ILDR1: variants seen among roughly 807,000 people sequenced by gnomAD.
ILDR1 encodes the protein immunoglobulin-like domain-containing receptor 1.
Under a neutral mutation model 62.4 loss-of-function variants are expected in ILDR1, and 56 were observed. The observed-to-expected ratio is 0.90, with a 90% CI of 0.72 to 1.12. ILDR1 has a LOEUF of 1.12. Ranked by LOEUF, ILDR1 falls within the 50% of genes most tolerant of loss-of-function variation. The pLI is 0.00. For synonymous variants in ILDR1, 284 were observed against 277.8 expected (o/e 1.02, Z -0.22); for missense variants, 736 against 710.6 (o/e 1.04, Z -0.41).
intron 1 of ILDR1, among the ~76,000 whole-genome samples, chr3:122,019,251 G>A (rs1320154134): frequency 6.6e-6 from 1 of 152,132 alleles, no homozygotes; most frequent in Non-Finnish European, 1.5e-5. Context: ...TATCACTTGT[G>A]ATATTGTTAA....
At chr3:122,041,424 G>C in the ILDR1 span, among the ~76,000 whole-genome samples, 9 of 152,200 alleles carry the variant, frequency 5.9e-5, no homozygotes, top group South Asian at 4.1e-4. Flanking sequence ...CCCCTTGAAA[G>C]ATGCTGACAA....
intron 5 of ILDR1, among the ~76,000 whole-genome samples, chr3:121,994,827 A>C (rs564766474): frequency 6.6e-6 from 1 of 152,330 alleles, no homozygotes; most frequent in East Asian, 1.9e-4. Flanking sequence ...ATTGCATGGA[A>C]GAGTATTTCT....
intron 3 of ILDR1, among the ~76,000 whole-genome samples, chr3:122,003,668 A>G (rs897426104): frequency 6.6e-5 from 10 of 152,204 alleles, no homozygotes; most frequent in Non-Finnish European, 1.2e-4. Context: ...TGGAGACAGA[A>G]ATAAAAACAG....
chr3:122,051,685 T>C, the ILDR1 span, among the ~76,000 whole-genome samples: 2 of 152,110 alleles, frequency 1.3e-5, no homozygotes, highest in East Asian at 1.9e-4. Flanking sequence ...TCTTAGAACT[T>C]TGTGTTGGTA....
the ILDR1 span, among the ~76,000 whole-genome samples, chr3:122,056,198 G>A: frequency 5.9e-5 from 9 of 152,278 alleles, no homozygotes; most frequent in Middle Eastern, 3.4e-3. Flanking sequence ...TTCATAAGGG[G>A]TAGAGCTAAA....
intron 5 of ILDR1, among the ~76,000 whole-genome samples, chr3:121,999,622 G>C (rs190309272): frequency 6.6e-6 from 1 of 152,112 alleles, no homozygotes; most frequent in South Asian, 2.1e-4. Flanking sequence ...TCCTCTACCA[G>C]CAGCAGCACA....
chr3:122,015,389 A>G (rs1026515129), intron 1 of ILDR1, among the ~76,000 whole-genome samples: 1 of 152,146 alleles, frequency 6.6e-6, no homozygotes, highest in Non-Finnish European at 1.5e-5. Flanking sequence ...TTTGCTCTTC[A>G]TATACAGTCT....
At chr3:122,001,170 A>T in intron 5 of ILDR1, 138 bp downstream of exon 5, 1 of 1,006,712 alleles carries the variant, frequency 9.9e-7, no homozygotes, top group Non-Finnish European at 1.5e-6. Flanking sequence ...GGCTGAGGCT[A>T]ATGTCCTCTG....
the ILDR1 span, among the ~76,000 whole-genome samples, chr3:122,047,738 TC>T: frequency 2.6e-5 from 4 of 152,180 alleles, no homozygotes; most frequent in African/African-American, 9.7e-5. Context: ...CCCTTGCACT[TC>T]CCAAGTGAGG....
chr3:122,027,956 T>C, the ILDR1 span, among the ~76,000 whole-genome samples: 2 of 152,132 alleles, frequency 1.3e-5, no homozygotes, highest in African/African-American at 2.4e-5. Flanking sequence ...CCCTTAATCT[T>C]TGGGATCTGA....
rs2071282697 is a variant in ILDR1 at position 121,988,331 on chromosome 3, G to A, written c.*36C>T. 9 of 1,593,508 alleles carry A rather than the reference G, an allele frequency of 5.6e-6. No individual in the cohort carries two copies. Among genetic ancestry groups the A allele is most frequent in the Non-Finnish European group, 7.7e-6 (9 of 1,161,306 alleles). ...GTGATGCTGATGACACACAGGAGCC[G>A]AGAAGTAGCCACAGAAGTTGTGCTG... On this transcript the variant is annotated 3_prime_UTR_variant, in exon 8 of 8. Coordinates refer to ENST00000344209, the MANE Select transcript of ILDR1 (RefSeq NM_001199799.2).
At chr3:122,008,595 T>TTTC (rs1205092588) in intron 1 of ILDR1, among the ~76,000 whole-genome samples, 7 of 25,804 alleles carry the variant, frequency 2.7e-4, no homozygotes, top group African/African-American at 5.1e-4. Context: ...TTTCTTTTCT[T>TTTC]TTTTTTTTTT....
At chr3:122,041,270 G>A in the ILDR1 span, among the ~76,000 whole-genome samples, 1 of 152,180 alleles carries the variant, frequency 6.6e-6, no homozygotes, top group East Asian at 1.9e-4. Context: ...CCTTATGAAT[G>A]GATGAATGTC....
At position 122,005,337 on chromosome 3, in the gene ILDR1, G is replaced by T. The variant is rs2071591372; in HGVS notation, c.286C>A (p.Gln96Lys). Reference protein sequence around the residue: ...QDPSNDCNDNQREVRIVAQRR... With the variant: ...QDPSNDCNDNKREVRIVAQRR... Reference sequence around the variant, plus strand: ...TGGGCCACTATGCGAACTTCCCGCTGGTTGTCGTTGCAGTCATTGGATGGG... The same window carrying T: ...TGGGCCACTATGCGAACTTCCCGCTTGTTGTCGTTGCAGTCATTGGATGGG... The change falls in exon 3 of 8, where the codon CAG becomes AAG. Residue 96 changes from glutamine (Q) to lysine (K), a missense_variant. By Grantham distance (53) the Gln-to-Lys change is moderately conservative. Coordinates refer to ENST00000344209, the MANE Select transcript of ILDR1 (RefSeq NM_001199799.2). The T allele has an allele frequency of 4.3e-6, 7 of 1,613,990 alleles. No homozygotes were observed. The highest frequency in any genetic ancestry group is 5.9e-6 in the Non-Finnish European group (7 of 1,180,032).
At chr3:121,988,501 C>T (rs2071287519) in intron 7 of ILDR1, 93 bp from the exon 8 acceptor site, 2 of 1,041,988 alleles carry the variant, frequency 1.9e-6, no homozygotes, top group South Asian at 2.5e-5. Flanking sequence ...TTTACAAATC[C>T]TAAGTGGGTG....
At chr3:122,006,066 C>G (rs929879541) in intron 2 of ILDR1, among the ~76,000 whole-genome samples, 1 of 151,972 alleles carries the variant, frequency 6.6e-6, no homozygotes, top group African/African-American at 2.4e-5. Context: ...CCCCAGGAAA[C>G]AATGCCTCAA....
intron 1 of ILDR1, among the ~76,000 whole-genome samples, chr3:122,007,516 T>C (rs1490859526): frequency 6.6e-6 from 1 of 152,224 alleles, no homozygotes; most frequent in Non-Finnish European, 1.5e-5. Context: ...ATCATGTCTC[T>C]TCTTAAAATG....
intron 5 of ILDR1, among the ~76,000 whole-genome samples, chr3:121,998,121 T>C (rs1418401820): frequency 6.6e-6 from 1 of 152,216 alleles, no homozygotes; most frequent in Admixed American, 6.5e-5. Flanking sequence ...CTCCACATTT[T>C]AATGACTTCC....
upstream of ILDR1, among the ~76,000 whole-genome samples, chr3:122,022,570 A>G (rs1323622068): frequency 6.6e-6 from 1 of 152,222 alleles, no homozygotes; most frequent in Non-Finnish European, 1.5e-5. Flanking sequence ...TACTAAAAAC[A>G]CAGTAATATG....
Sources: allele counts gnomAD v4.1 joint callset (sites outside exome capture counted in the v4.1 genomes callset), GRCh38; gene constraint gnomAD v4.1.1; transcripts MANE v1.5; gene names NCBI Gene and HGNC (gene_info 2026-07-23, HGNC 2026-07-21).